SCD5: variants seen among roughly 807,000 people sequenced by gnomAD.
SCD5 encodes the protein stearoyl-CoA desaturase 5, also known as acyl-CoA-desaturase 4.
Under a neutral mutation model 30.4 loss-of-function variants are expected in SCD5, and 20 were observed. That is an observed-to-expected ratio of 0.66 (90% CI 0.46 to 0.96). SCD5 has a LOEUF of 0.96. SCD5 is among the 40% of genes least tolerant of loss of function. SCD5 has a pLI of 0.00. For synonymous variants in SCD5, 173 were observed against 176.4 expected, an observed-to-expected ratio of 0.98 and a Z score of 0.16; for missense variants, 381 against 443.3, an observed-to-expected ratio of 0.86 and a Z score of 1.26.
At chr4:82,783,303 T>C (rs1343418693) in intron 1 of SCD5, among the ~76,000 whole-genome samples, 1 of 152,176 alleles carries the variant, frequency 6.6e-6, no homozygotes, top group Non-Finnish European at 1.5e-5. Context: ...ATGGACAATG[T>C]AGCCAGAATG....
At chr4:82,729,245 G>A (rs17006189) in intron 1 of SCD5, among the ~76,000 whole-genome samples, 10,732 of 152,244 alleles carry the variant, frequency 0.07, 1,187 homozygotes, top group African/African-American at 0.23. Context: ...GAAGGCAGAC[G>A]ATTCATTTTG....
At chr4:82,679,454 CAG>C (rs1578017993) in intron 3 of SCD5, among the ~76,000 whole-genome samples, 2 of 152,082 alleles carry the variant, frequency 1.3e-5, no homozygotes, top group South Asian at 4.1e-4. Context: ...GTGATGGAAA[CAG>C]AGAATTCTCT....
At chr4:82,716,771 A>T (rs1242798621) in intron 1 of SCD5, among the ~76,000 whole-genome samples, 1 of 151,616 alleles carries the variant, frequency 6.6e-6, no homozygotes, top group African/African-American at 2.4e-5. Flanking sequence ...CCGAGATCGT[A>T]CCACTGCACT....
At chr4:82,645,328 G>T (rs1727616682) in intron 3 of SCD5, among the ~76,000 whole-genome samples, 1 of 148,864 alleles carries the variant, frequency 6.7e-6, no homozygotes. Context: ...AAAAAAAAAG[G>T]CAAAAGAAAG....
intron 3 of SCD5, among the ~76,000 whole-genome samples, 163 bp from the exon 4 acceptor site, chr4:82,636,986 A>G (rs1371702644): frequency 3.3e-5 from 5 of 152,192 alleles, no homozygotes; most frequent in African/African-American, 1.2e-4. Context: ...AGGGGTCACA[A>G]GACCCATATA....
chr4:82,761,762 G>C (rs1721375847), intron 1 of SCD5, among the ~76,000 whole-genome samples: 1 of 150,774 alleles, frequency 6.6e-6, no homozygotes, highest in South Asian at 2.1e-4. Flanking sequence ...CCCAGAGTGT[G>C]ATATTCCCCT....
chr4:82,742,773 CA>C (rs1435937518), intron 1 of SCD5, among the ~76,000 whole-genome samples: 1 of 151,910 alleles, frequency 6.6e-6, no homozygotes, highest in Non-Finnish European at 1.5e-5. Context: ...ATTCTGTCTC[CA>C]AAAAAACAAT....
intron 1 of SCD5, among the ~76,000 whole-genome samples, chr4:82,791,660 G>A (rs1340811065): frequency 6.6e-6 from 1 of 152,124 alleles, no homozygotes; most frequent in Non-Finnish European, 1.5e-5. Context: ...AATGCTGGTT[G>A]TACTCTTGTT....
chr4:82,786,619 G>T (rs1360414853), intron 1 of SCD5, among the ~76,000 whole-genome samples: 2 of 151,848 alleles, frequency 1.3e-5, no homozygotes, highest in Non-Finnish European at 2.9e-5. Flanking sequence ...GGCCAACATG[G>T]TGAAACTACT....
chr4:82,645,263 G>A (rs1226403645), intron 3 of SCD5, among the ~76,000 whole-genome samples: 2 of 150,638 alleles, frequency 1.3e-5, no homozygotes, highest in African/African-American at 4.9e-5. Context: ...GCAGTGAGCC[G>A]AGATTGTGCC....
At chr4:82,653,676 T>TGATAGACAGACAGATAGATA (rs146878462) in intron 3 of SCD5, among the ~76,000 whole-genome samples, 12 of 136,552 alleles carry the variant, frequency 8.8e-5, no homozygotes, top group African/African-American at 1.1e-4. Flanking sequence ...TGAAAGTCAA[T>TGATAGACAGACAGATAGATA]GATAGATAGA....
chr4:82,647,823 G>A (rs1426628290), intron 3 of SCD5, among the ~76,000 whole-genome samples: 5 of 152,100 alleles, frequency 3.3e-5, no homozygotes, highest in South Asian at 2.1e-4. Flanking sequence ...TCAATTACCC[G>A]GACTTTTAAA....
chr4:82,713,861 C>T (rs1402874189), intron 1 of SCD5, among the ~76,000 whole-genome samples: 1 of 152,190 alleles, frequency 6.6e-6, no homozygotes, highest in East Asian at 1.9e-4. Context: ...CCCCTGACAC[C>T]TCCCTGCCCT....
intron 2 of SCD5, among the ~76,000 whole-genome samples, chr4:82,701,079 C>T (rs1314581455): frequency 1.3e-5 from 2 of 152,050 alleles, no homozygotes; most frequent in African/African-American, 4.8e-5. Context: ...ACAACAATGT[C>T]GTAAAAGACA....
intron 3 of SCD5, among the ~76,000 whole-genome samples, chr4:82,643,914 G>A (rs1727591398): frequency 6.6e-6 from 1 of 152,232 alleles, no homozygotes; most frequent in Non-Finnish European, 1.5e-5. Flanking sequence ...GATGGATGGA[G>A]AGCTCCTTGG....
intron 1 of SCD5, among the ~76,000 whole-genome samples, chr4:82,707,995 T>C (rs1188435984): frequency 6.6e-6 from 1 of 152,210 alleles, no homozygotes; most frequent in Non-Finnish European, 1.5e-5. Context: ...GAACCTTTCA[T>C]TCATGGAAGG....
intron 1 of SCD5, among the ~76,000 whole-genome samples, chr4:82,776,666 G>A (rs1721750479): frequency 6.6e-6 from 1 of 152,184 alleles, no homozygotes; most frequent in African/African-American, 2.4e-5. Context: ...CTATGGAGCA[G>A]AAATGTCCAA....
chr4:82,734,947 T>A (rs373953640), intron 1 of SCD5, among the ~76,000 whole-genome samples: 1 of 151,266 alleles, frequency 6.6e-6, no homozygotes, highest in Non-Finnish European at 1.5e-5. Flanking sequence ...TGTACTTTTT[T>A]TAGTAGAGAT....
At chr4:82,745,443 AC>A (rs1720961017) in intron 1 of SCD5, among the ~76,000 whole-genome samples, 1 of 152,256 alleles carries the variant, frequency 6.6e-6, no homozygotes, top group African/African-American at 2.4e-5. Context: ...TGTTTCAGGC[AC>A]CAGGCAAAGG....
Sources: allele counts gnomAD v4.1 joint callset (sites outside exome capture counted in the v4.1 genomes callset), GRCh38; gene constraint gnomAD v4.1.1; transcripts MANE v1.5; gene names NCBI Gene and HGNC (gene_info 2026-07-23, HGNC 2026-07-21).